The following INPP5D variants were observed in gnomAD, a reference collection of about 807,000 sequenced individuals.
INPP5D encodes phosphatidylinositol 3,4,5-trisphosphate 5-phosphatase 1.
Under a neutral mutation model 122.9 loss-of-function variants are expected in INPP5D, and 33 were observed. The ratio of observed to expected loss-of-function variants is 0.27; its 90% CI spans 0.20 to 0.36. The LOEUF (loss-of-function observed/expected upper bound fraction) is 0.36, where lower values mean the gene tolerates loss of function less well. INPP5D is among the 10% of genes least tolerant of loss of function. The probability of loss-of-function intolerance (pLI) is 1.00; values close to 1 mark genes in which losing one functional copy is unlikely to be tolerated. For synonymous variants in INPP5D, 584 were observed against 576.2 expected (o/e 1.01, Z -0.19); for missense variants, 1,053 against 1,412.7 (o/e 0.75, Z 4.08).
At chr2:233,196,558 T>A (rs2106325035) in intron 24 of INPP5D, among the ~76,000 whole-genome samples, 1 of 152,186 alleles carries the variant, frequency 6.6e-6, no homozygotes. Context: ...CCCCACCCTA[T>A]CCACTAGCAA....
chr2:233,086,119 C>CTCTTTCTTTCTTTCTTTCTT (rs10539341), intron 2 of INPP5D, among the ~76,000 whole-genome samples: 2,675 of 93,894 alleles, frequency 0.028, 172 homozygotes, highest in Non-Finnish European at 0.033. Flanking sequence ...ATAAGATAGC[C>CTCTTTCTTTCTTTCTTTCTT]TCTTTCTTTC....
intron 2 of INPP5D, among the ~76,000 whole-genome samples, chr2:233,085,815 T>C (rs550993393): frequency 1.2e-4 from 19 of 152,300 alleles, no homozygotes; most frequent in South Asian, 8.3e-4. Context: ...AGAGTATCCA[T>C]GCCATTTGTC....
At position 233,146,391 on chromosome 2, in the gene INPP5D, C is replaced by A; in HGVS notation, c.859C>A (p.Pro287Thr). The A allele has an allele frequency of 1.4e-6, 1 of 704,312 alleles. No individual in the cohort carries two copies. Among genetic ancestry groups the A allele is most frequent in the South Asian group, 1.5e-5 (1 of 67,594 alleles). The allele number at this position is 704,312 out of a possible 1,614,324, so 43.6% of individuals were successfully genotyped here. A position where few individuals can be genotyped will look rare whatever the true frequency, so the allele number is the denominator to read the frequency against. Residue 287 changes from proline to threonine, a missense_variant, in exon 8 of 27, where the codon CCT becomes ACT. Physicochemically the swap from Pro to Thr is conservative, Grantham distance 38 (BLOSUM62 -1). Transcript: ENST00000445964. ...GGTCAAGGCCTTGCTGCACGAGGGTCCTGAGTCTCCGCACCGGCCCTCCCT... is the reference window on the plus strand; with the variant it reads ...GGTCAAGGCCTTGCTGCACGAGGGTACTGAGTCTCCGCACCGGCCCTCCCT... ...DKVKALLHEG[P>T]ESPHRPSLIP...
intron 25 of INPP5D, among the ~76,000 whole-genome samples, chr2:233,201,492 G>A (rs1055379022): frequency 3.3e-5 from 5 of 152,206 alleles, no homozygotes; most frequent in African/African-American, 9.7e-5. Context: ...CTTGGAGCCT[G>A]GAGCCCTGCA....
intron 9 of INPP5D, 69 bp downstream of exon 9, chr2:233,147,663 C>T (rs1442295631): frequency 2.9e-6 from 2 of 690,414 alleles, no homozygotes; most frequent in Non-Finnish European, 5.3e-6. Flanking sequence ...TCTCAGCTCA[C>T]CTCTCAGAAG....
Position 233,204,373 on chromosome 2 carries a change from G to C in INPP5D, c.3223G>C (p.Gly1075Arg). Residue 1075 changes from glycine to arginine, a missense_variant, in exon 26 of 27, where the codon GGC (glycine) becomes CGC (arginine). By Grantham distance (125) the Gly-to-Arg change is moderately radical. Around this residue, in one of 6 missense-constraint regions of INPP5D, gnomAD observed 417 missense variants for 425.8 expected, o/e 0.98. Coordinates refer to ENST00000445964, the MANE Select transcript of INPP5D (RefSeq NM_001017915.3). Reference sequence around the variant, plus strand: ...GGAGGCTGATCGCGGCGAGGGGCCCGGCAAGCAGGTGCCCGCGCCCCGGCT... The same window carrying C: ...GGAGGCTGATCGCGGCGAGGGGCCCCGCAAGCAGGTGCCCGCGCCCCGGCT... Reference protein sequence around the residue: ...AQEADRGEGPGKQVPAPRLRS... With the variant: ...AQEADRGEGPRKQVPAPRLRS... 1.2e-6 allele frequency: 2 copies of C among 1,610,290 alleles called. No individual in the cohort carries two copies. The highest frequency in any genetic ancestry group is 1.7e-6 in the Non-Finnish European group (2 of 1,178,398).
chr2:233,122,071 T>G (rs779761029), intron 2 of INPP5D, 36 bp from the exon 3 acceptor site: 1 of 1,609,874 alleles, frequency 6.2e-7, no homozygotes, highest in East Asian at 2.2e-5. Context: ...TTCTAGTTGG[T>G]TAACATGTGC....
At chr2:233,152,142 CAG>C (rs772358265) in intron 9 of INPP5D, among the ~76,000 whole-genome samples, 9 of 152,192 alleles carry the variant, frequency 5.9e-5, no homozygotes, top group Non-Finnish European at 8.8e-5. Context: ...CTCCACAAGA[CAG>C]GGGTTCCTAC....
At chr2:233,124,885 G>A (rs1192001630) in intron 3 of INPP5D, among the ~76,000 whole-genome samples, 1 of 152,258 alleles carries the variant, frequency 6.6e-6, no homozygotes, top group East Asian at 1.9e-4. Context: ...AGTCCAAGAG[G>A]TCTGTTTGGG....
intron 3 of INPP5D, 111 bp downstream of exon 3, chr2:233,122,368 G>A (rs534686804): frequency 7.6e-5 from 91 of 1,204,230 alleles, no homozygotes; most frequent in Middle Eastern, 5.7e-4. Flanking sequence ...GATTGTTGGC[G>A]TGGGGGTTAA....
chr2:233,132,402 T>C (rs1574753450), intron 5 of INPP5D, among the ~76,000 whole-genome samples: 1 of 152,234 alleles, frequency 6.6e-6, no homozygotes. Context: ...CGGTGCCAGC[T>C]TCCCCAACTT....
At chr2:233,091,685 C>T (rs1465008753) in intron 2 of INPP5D, among the ~76,000 whole-genome samples, 1 of 152,222 alleles carries the variant, frequency 6.6e-6, no homozygotes, top group African/African-American at 2.4e-5. Flanking sequence ...TCGAGGCCAG[C>T]ACATGAGCAA....
Position 233,078,769 on chromosome 2 carries a change from G to A in INPP5D, c.135-566G>A, listed in dbSNP as rs189415017. Among the ~76,000 whole-genome samples the A allele has an allele frequency of 6.6e-5, 10 of 152,152 alleles. No homozygotes were observed. The highest frequency in any genetic ancestry group is 7.4e-5 in the Non-Finnish European group (5 of 67,978). On this transcript the variant is annotated intron_variant, in intron 1 of 26. Transcript: ENST00000445964. The surrounding 1 kb of genome is among the most constrained non-coding windows in gnomAD (Gnocchi z 4.6). ...ACATTCTCGGCTCACTGCAACCTCCGCCTCCTGGGTTCAAGTGATTCTTTT... is the reference window on the plus strand; with the variant it reads ...ACATTCTCGGCTCACTGCAACCTCCACCTCCTGGGTTCAAGTGATTCTTTT...
intron 1 of INPP5D, among the ~76,000 whole-genome samples, chr2:233,077,998 T>C (rs952061929): frequency 9.2e-5 from 14 of 152,246 alleles, no homozygotes; most frequent in South Asian, 2.1e-4. Flanking sequence ...AGGCTGGTCC[T>C]GTCTACAGGG....
intron 9 of INPP5D, among the ~76,000 whole-genome samples, 192 bp downstream of exon 9, chr2:233,147,786 C>T (rs1306382113): frequency 6.6e-6 from 1 of 152,190 alleles, no homozygotes; most frequent in Admixed American, 6.5e-5. Flanking sequence ...ATGCTATCAC[C>T]TCTCAGTGCC....
At chr2:233,071,635 T>G (rs530162199) in intron 1 of INPP5D, among the ~76,000 whole-genome samples, 2 of 152,338 alleles carry the variant, frequency 1.3e-5, no homozygotes, top group South Asian at 4.1e-4. Flanking sequence ...TGGTATAAAT[T>G]GACATTTTGG....
chr2:233,206,173 A>G lies in INPP5D; in HGVS notation c.3568-533A>G, dbSNP rs967687865. 5.3e-5 allele frequency among the ~76,000 whole-genome samples: 8 copies of G among 152,152 alleles called. No homozygotes were observed. The highest frequency in any genetic ancestry group is 8.8e-5 in the Non-Finnish European group (6 of 68,024). On this transcript the variant is annotated intron_variant, in intron 26 of 26. Coordinates refer to ENST00000445964, the MANE Select transcript of INPP5D (RefSeq NM_001017915.3). The surrounding 1 kb of genome is among the most constrained non-coding windows in gnomAD (Gnocchi z 4.0). ...AGCCTCAGTTTACCCATCTGTAAAA[A>G]GGGGCTGTTAATAGTACCTACCTCA...
chr2:233,150,793 G>A (rs1293767472), intron 9 of INPP5D, among the ~76,000 whole-genome samples: 2 of 152,210 alleles, frequency 1.3e-5, no homozygotes, highest in African/African-American at 4.8e-5. Flanking sequence ...TTAGTCCCGA[G>A]GGAGGACTGG....
rs988744583 is a variant in INPP5D at position 233,183,982 on chromosome 2, CTG to C, written c.2162-423_2162-422del. ...AGTCCAGAGGAAGGAGTGGGGATAA[CTG>C]TGCCTAAGGGAGAGAGAGCTGCTAG... is the stretch of plus-strand genomic sequence containing the variant. On this transcript the variant is annotated intron_variant, in intron 19 of 26. Coordinates refer to ENST00000445964, the MANE Select transcript of INPP5D (RefSeq NM_001017915.3). This position sits in a 1 kb window ranked among gnomAD's most constrained non-coding sequence, Gnocchi z 4.6. 6.6e-6 allele frequency among the ~76,000 whole-genome samples: 1 copy of C among 152,196 alleles called. No homozygotes were observed. The highest frequency in any genetic ancestry group is 1.5e-5 in the Non-Finnish European group (1 of 68,040).
Sources: allele counts gnomAD v4.1 joint callset (sites outside exome capture counted in the v4.1 genomes callset), GRCh38; gene constraint gnomAD v4.1.1; regional missense constraint gnomAD v4.1.1; non-coding constraint Gnocchi (gnomAD v3.1); transcripts MANE v1.5; gene names NCBI Gene and HGNC (gene_info 2026-07-23, HGNC 2026-07-21).